Variants in JADE1 observed in about 807,000 individuals in gnomAD.
The protein encoded by JADE1 is jade family PHD finger 1, also known as protein Jade-1.
A neutral mutation model predicts 81.8 loss-of-function variants in JADE1; 14 were observed. The observed-to-expected ratio is 0.17, with a 90% CI of 0.11 to 0.27. The LOEUF is 0.27. Among genes scored for constraint, JADE1 ranks in the 10% least tolerant of loss-of-function variants. The pLI is 1.00. For missense variants in JADE1, 690 were observed against 1,047.9 expected (o/e 0.66, Z 4.71); for synonymous variants, 353 against 391.9 (o/e 0.90, Z 1.17).
At chr4:128,853,184 G>A (rs766205475) in intron 6 of JADE1, among the ~76,000 whole-genome samples, 3 of 152,078 alleles carry the variant, frequency 2.0e-5, no homozygotes, top group Non-Finnish European at 2.9e-5. Flanking sequence ...TCCACATGGC[G>A]GTCTTCTTAG....
chr4:128,860,950 C>T (rs1731270132), intron 8 of JADE1, among the ~76,000 whole-genome samples: 2 of 152,194 alleles, frequency 1.3e-5, no homozygotes, highest in Admixed American at 1.3e-4. Flanking sequence ...CCTTTCCCTA[C>T]CTTTCCTGTG....
At chr4:128,813,563 C>A (rs994173865) in intron 1 of JADE1, among the ~76,000 whole-genome samples, 7 of 151,986 alleles carry the variant, frequency 4.6e-5, no homozygotes, top group African/African-American at 1.7e-4. Flanking sequence ...GGACTACAGG[C>A]GCGTGCCACC....
chr4:128,812,354 C>T (rs1296621148), intron 1 of JADE1, among the ~76,000 whole-genome samples: 19 of 151,326 alleles, frequency 1.3e-4, no homozygotes, highest in Admixed American at 1.2e-3. Context: ...CGCGCGGAAC[C>T]GCGGCCCTGC....
Position 128,871,449 on chromosome 4 carries a change from G to A in JADE1, c.1716G>A (p.Leu572=). 6.2e-7 allele frequency: 1 copy of A among 1,614,192 alleles called. No individual in the cohort carries two copies. Among genetic ancestry groups the A allele is most frequent in the Non-Finnish European group, 8.5e-7 (1 of 1,180,024 alleles). ...CTGATGCTCCCAAGATAGAGGACTT[G>A]AAGTGGCATTCTGCATTCTTCAGAA... ...VGPDAPKIED[L]KWHSAFFRKQ... is the part of the protein sequence containing the mutation. Residue 572 remains leucine, a synonymous_variant, in exon 11 of 11, where the codon TTG becomes TTA. Coordinates refer to ENST00000226319, the MANE Select transcript of JADE1 (RefSeq NM_199320.4). The surrounding 1 kb of genome is among the most constrained non-coding windows in gnomAD (Gnocchi z 4.1).
chr4:128,845,926 A>G (rs1421234349), intron 3 of JADE1, among the ~76,000 whole-genome samples: 1 of 141,016 alleles, frequency 7.1e-6, no homozygotes, highest in African/African-American at 2.6e-5. Flanking sequence ...TCCATCTCAG[A>G]AAAAAAAAAA....
At chr4:128,833,687 C>G (rs895284982) in intron 2 of JADE1, among the ~76,000 whole-genome samples, 1 of 152,124 alleles carries the variant, frequency 6.6e-6, no homozygotes, top group Non-Finnish European at 1.5e-5. Flanking sequence ...GAGCGAGACT[C>G]CGTCTCGAAA....
chr4:128,862,513 C>A, intron 9 of JADE1: 2 of 1,263,106 alleles, frequency 1.6e-6, no homozygotes, highest in South Asian at 4.1e-5. Flanking sequence ...GTCTTCCCCA[C>A]CCCCATTCCT....
intron 2 of JADE1, among the ~76,000 whole-genome samples, chr4:128,832,643 G>T (rs1441032945): frequency 6.6e-6 from 1 of 152,232 alleles, no homozygotes; most frequent in Non-Finnish European, 1.5e-5. Flanking sequence ...CAGTAATAGA[G>T]ATGTCTTTTT....
chr4:128,841,923 A>T (rs557145362), intron 2 of JADE1, among the ~76,000 whole-genome samples: 1 of 152,210 alleles, frequency 6.6e-6, no homozygotes, highest in African/African-American at 2.4e-5. Flanking sequence ...CAGGGCAGAG[A>T]AGAGATCAGA....
chr4:128,864,352 G>C (rs1421396759), intron 9 of JADE1: 2 of 693,984 alleles, frequency 2.9e-6, no homozygotes, highest in East Asian at 2.7e-4. Context: ...CACCATGTTG[G>C]TCAGGTTGGT....
chr4:128,857,738 A>G (rs138238607), intron 8 of JADE1, among the ~76,000 whole-genome samples: 55 of 152,216 alleles, frequency 3.6e-4, no homozygotes, highest in Non-Finnish European at 7.2e-4. Flanking sequence ...TTTCTGCCCA[A>G]AGTCTAGCAT....
chr4:128,869,073 G>A (rs955794211), intron 10 of JADE1, among the ~76,000 whole-genome samples: 9 of 152,122 alleles, frequency 5.9e-5, no homozygotes, highest in East Asian at 5.8e-4. Flanking sequence ...AATTATGTGC[G>A]ACTAGAGGGA....
chr4:128,852,726 G>A (rs11722830), intron 6 of JADE1, among the ~76,000 whole-genome samples: 32,783 of 152,104 alleles, frequency 0.22, 3,722 homozygotes, highest in Middle Eastern at 0.31. Context: ...GTATTGTCTT[G>A]TGGTTCTGGA....
At chr4:128,867,534 A>G (rs899685488) in intron 9 of JADE1, among the ~76,000 whole-genome samples, 15 of 152,244 alleles carry the variant, frequency 9.9e-5, no homozygotes, top group African/African-American at 2.4e-4. Context: ...TTGGACACCA[A>G]TGGCCTCTGT....
chr4:128,817,746 A>T (rs181205566), intron 1 of JADE1, among the ~76,000 whole-genome samples: 1 of 152,224 alleles, frequency 6.6e-6, no homozygotes, highest in Non-Finnish European at 1.5e-5. Context: ...AGTTGGGGAC[A>T]CTTGACACTG....
At chr4:128,865,240 G>A (rs1257630234) in intron 9 of JADE1, among the ~76,000 whole-genome samples, 1 of 152,170 alleles carries the variant, frequency 6.6e-6, no homozygotes, top group African/African-American at 2.4e-5. Flanking sequence ...ACTTTTAGAT[G>A]TCTTAGAGCA....
chr4:128,821,851 T>C (rs753639160), intron 1 of JADE1, among the ~76,000 whole-genome samples: 7 of 152,146 alleles, frequency 4.6e-5, no homozygotes, highest in Non-Finnish European at 7.4e-5. Context: ...AATTTTCTTG[T>C]CTGGGTTAGT....
chr4:128,870,609 A>G (rs1389092674), intron 10 of JADE1, among the ~76,000 whole-genome samples: 1 of 152,206 alleles, frequency 6.6e-6, no homozygotes, highest in African/African-American at 2.4e-5. Context: ...TACATTATCA[A>G]ATGATGAGGG....
intron 5 of JADE1, among the ~76,000 whole-genome samples, chr4:128,850,305 T>C: frequency 1.2e-5 from 1 of 85,578 alleles, no homozygotes; most frequent in Admixed American, 1.3e-4. Flanking sequence ...AGAGCCAGAC[T>C]CCATCTCAAA....
Sources: allele counts gnomAD v4.1 joint callset (sites outside exome capture counted in the v4.1 genomes callset), GRCh38; gene constraint gnomAD v4.1.1; non-coding constraint Gnocchi (gnomAD v3.1); transcripts MANE v1.5; gene names NCBI Gene and HGNC (gene_info 2026-07-23, HGNC 2026-07-21).